GTF2H3: variants seen among roughly 807,000 people sequenced by gnomAD.
The protein encoded by GTF2H3 is general transcription factor IIH subunit 3, also known as TFIIH basal transcription factor complex p34 subunit.
Under a neutral mutation model 51.1 loss-of-function variants are expected in GTF2H3, and 42 were observed. That is an observed-to-expected ratio of 0.82 (90% CI 0.64 to 1.06). GTF2H3 has a LOEUF of 1.06. Ranked by LOEUF, GTF2H3 falls within the 50% of genes least tolerant of loss-of-function variation. The pLI, the probability that GTF2H3 is intolerant of heterozygous loss-of-function variation, is 0.00. For missense variants in GTF2H3, 326 were observed against 366.1 expected, an observed-to-expected ratio of 0.89 and a Z score of 0.89; for synonymous variants, 123 against 123.8, an observed-to-expected ratio of 0.99 and a Z score of 0.04.
intron 9 of GTF2H3, chr12:123,659,236 G>A (rs772935263): frequency 3.2e-4 from 118 of 371,564 alleles, no homozygotes; most frequent in Non-Finnish European, 5.2e-4. Context: ...GCATGGTGGC[G>A]CATGCCTGTA....
At chr12:123,659,339 C>T in intron 9 of GTF2H3, 177 bp from the exon 10 acceptor site, 1 of 607,638 alleles carries the variant, frequency 1.6e-6, no homozygotes, top group South Asian at 1.7e-5. Flanking sequence ...TGCACTCCAG[C>T]CTGGGCGACA....
intron 2 of GTF2H3, among the ~76,000 whole-genome samples, chr12:123,642,807 T>C (rs1955395995): frequency 2.0e-5 from 3 of 152,210 alleles, no homozygotes; most frequent in African/African-American, 7.2e-5. Flanking sequence ...TTTTCTCTTG[T>C]TAACAAAAAA....
intron 9 of GTF2H3, chr12:123,656,245 A>G (rs1218729582): frequency 6.0e-6 from 1 of 165,680 alleles, no homozygotes; most frequent in Admixed American, 6.0e-5. Flanking sequence ...CAATGGGAAA[A>G]TTTACATGCT....
rs530270065 is a variant in GTF2H3, at chr12:123,645,518, C to A, written c.157C>A (p.Arg53Ser). ...GGGAAATTCGCATTTATTCATGAAT[C>A]GTTCCAACAAACTTGCTGTGATAGC... Reference protein sequence around the residue: ...VLGNSHLFMNRSNKLAVIASH... With the variant: ...VLGNSHLFMNSSNKLAVIASH... Residue 53 changes from arginine to serine, a missense_variant, in exon 3 of 13, where the codon CGT becomes AGT. By Grantham distance (110) the Arg-to-Ser change is moderately radical. Transcript: ENST00000543341. The A allele has an allele frequency of 6.2e-7, 1 of 1,609,040 alleles. No individual in the cohort carries two copies. Among genetic ancestry groups the A allele is most frequent in the African/African-American group, 1.3e-5 (1 of 74,890 alleles).
At chr12:123,656,600 A>T (rs922415668) in intron 9 of GTF2H3, among the ~76,000 whole-genome samples, 1 of 152,096 alleles carries the variant, frequency 6.6e-6, no homozygotes, top group Admixed American at 6.6e-5. Flanking sequence ...TCTGGCAGGC[A>T]TCTTCAGTGT....
intron 6 of GTF2H3, 67 bp downstream of exon 6, chr12:123,652,628 CTG>C (rs1180074081): frequency 2.7e-6 from 4 of 1,508,698 alleles, no homozygotes; most frequent in Admixed American, 4.0e-5. Flanking sequence ...CTTTACTAGA[CTG>C]TTTAAAAATT....
chr12:123,652,382 CT>C, intron 5 of GTF2H3, 149 bp from the exon 6 acceptor site: 2 of 557,404 alleles, frequency 3.6e-6, no homozygotes, highest in Non-Finnish European at 6.3e-6. Context: ...CCCAATCACT[CT>C]TGTGTATTTA....
intron 4 of GTF2H3, among the ~76,000 whole-genome samples, chr12:123,648,798 T>C (rs1455096383): frequency 6.6e-6 from 1 of 152,192 alleles, no homozygotes; most frequent in African/African-American, 2.4e-5. Context: ...TCCCGCTCCT[T>C]ATTGTCATCT....
rs562669696 is a variant in GTF2H3 at position 123,660,307 on chromosome 12, T to G, written c.*72T>G. ...ATAGCAGATTCTTTGTTGGGAAGAC[T>G]GAAAAAAATAAAGATAGGTATAGGA... On this transcript the variant is annotated 3_prime_UTR_variant, in exon 13 of 13. Transcript: ENST00000543341. 1 of 1,118,060 alleles carries G rather than the reference T, an allele frequency of 8.9e-7. No homozygotes were observed. The highest frequency in any genetic ancestry group is 2.4e-5 in the East Asian group (1 of 42,044). 69.3% of individuals were successfully genotyped at this position (1,118,060 alleles called of 1,614,324 possible).
At chr12:123,652,780 A>G (rs1351511164) in intron 7 of GTF2H3, 45 bp downstream of exon 7, 1 of 1,437,486 alleles carries the variant, frequency 7.0e-7, no homozygotes, top group Non-Finnish European at 9.3e-7. Flanking sequence ...AACTATAATT[A>G]GAAAACATAA....
chr12:123,643,239 A>G lies in GTF2H3; in HGVS notation c.94-2216A>G, dbSNP rs576356200. Among the ~76,000 whole-genome samples, 7 of 152,348 alleles carry G rather than the reference A, an allele frequency of 4.6e-5. No homozygotes were observed. The East Asian group carries it at 7.7e-4, about 17-fold the overall frequency. On this transcript the variant is annotated intron_variant, in intron 2 of 12. Coordinates refer to ENST00000543341, the MANE Select transcript of GTF2H3 (RefSeq NM_001516.5). ...GAATTCAGCAAAAATCAACATAGGCATTCTGTGAGAATCCATTGACTTATG... is the reference window on the plus strand; with the variant it reads ...GAATTCAGCAAAAATCAACATAGGCGTTCTGTGAGAATCCATTGACTTATG...
chr12:123,635,343 G>A (rs145792682), intron 1 of GTF2H3, among the ~76,000 whole-genome samples: 1 of 152,130 alleles, frequency 6.6e-6, no homozygotes, highest in African/African-American at 2.4e-5. Flanking sequence ...GGCCAAGGTG[G>A]GTGGATCACT....
At chr12:123,633,904 CG>C (rs1955231171) in intron 1 of GTF2H3, 32 bp downstream of exon 1, 1 of 1,611,202 alleles carries the variant, frequency 6.2e-7, no homozygotes, top group African/African-American at 1.3e-5. Flanking sequence ...ACTTCGACTC[CG>C]GGGCTCGGCT....
At chr12:123,656,101 G>A (rs1955583432) in intron 9 of GTF2H3, 1 of 296,728 alleles carries the variant, frequency 3.4e-6, no homozygotes, top group Non-Finnish European at 6.2e-6. Flanking sequence ...TAAGTCTGAA[G>A]AAATTACTGA....
Position 123,654,934 on chromosome 12 carries a change from C to T in GTF2H3, c.497C>T (p.Ala166Val). 6.2e-7 allele frequency: 1 copy of T among 1,612,118 alleles called. No individual in the cohort carries two copies. Among genetic ancestry groups the T allele is most frequent in the Non-Finnish European group, 8.5e-7 (1 of 1,178,186 alleles). The change falls in exon 8 of 13, where the codon GCT becomes GTT. Residue 166 changes from alanine to valine, a missense_variant. By Grantham distance (64) the Ala-to-Val change is moderately conservative. Coordinates refer to ENST00000543341, the MANE Select transcript of GTF2H3 (RefSeq NM_001516.5). ...EMKSRILVIK[A>V]AEDSALQYMN... is the part of the protein sequence containing the mutation. ...GACTGTGATTTTTAGGTGATTAAGG[C>T]TGCAGAAGACAGTGCGTTGCAGTAT...
intron 9 of GTF2H3, 24 bp from the exon 10 acceptor site, chr12:123,659,492 C>T (rs757191863): frequency 3.1e-6 from 5 of 1,612,634 alleles, no homozygotes; most frequent in Non-Finnish European, 4.2e-6. Flanking sequence ...GCGAGTTTGG[C>T]AGCAAGCCGC....
chr12:123,647,310 A>G (rs570704063), intron 3 of GTF2H3, among the ~76,000 whole-genome samples: 1 of 152,110 alleles, frequency 6.6e-6, no homozygotes, highest in East Asian at 1.9e-4. Flanking sequence ...ATCTCTACTA[A>G]AAATACAAAA....
chr12:123,646,062 G>T (rs569978710), intron 3 of GTF2H3, among the ~76,000 whole-genome samples: 3 of 152,168 alleles, frequency 2.0e-5, no homozygotes, highest in Non-Finnish European at 4.4e-5. Flanking sequence ...AAGAAACAGT[G>T]GTCGCTTCTA....
At position 123,650,845 on chromosome 12, in the gene GTF2H3, T is replaced by G. The variant is rs1566230232; in HGVS notation, c.365-149T>G. ...CATTACCAAGAACACATTGCTATGT[T>G]TTTAAACCTAGTTTGAAAATGTCTT... On this transcript the variant is annotated intron_variant, in intron 4 of 12. Transcript: ENST00000543341. 3 of 589,202 alleles carry G rather than the reference T, an allele frequency of 5.1e-6. No homozygotes were observed. The East Asian group carries it at 9.1e-5, about 18-fold the overall frequency. 36.5% of individuals were successfully genotyped at this position (589,202 alleles called of 1,614,324 possible).
Sources: gnomAD v4.1 joint callset for allele counts (sites outside exome capture counted in the v4.1 genomes callset) on GRCh38, gnomAD v4.1.1 for gene constraint, MANE v1.5 for transcripts, NCBI Gene and HGNC (gene_info 2026-07-23, HGNC 2026-07-21) for gene names.